The following TMPRSS15 variants were observed in gnomAD, a reference collection of about 807,000 sequenced individuals.
TMPRSS15 encodes enteropeptidase.
In TMPRSS15, 128 loss-of-function variants were observed where a neutral mutation model predicts 125.3. That is an observed-to-expected ratio of 1.02 (90% confidence interval 0.89 to 1.18). The LOEUF is 1.18. Among genes scored for constraint, TMPRSS15 ranks in the 50% most tolerant of loss-of-function variants. The pLI is 0.00. For missense variants in TMPRSS15, 1,283 were observed against 1,212.7 expected (o/e 1.06, Z -0.86); for synonymous variants, 446 against 423.2 (o/e 1.05, Z -0.66).
In TMPRSS15 at chr21:18,285,806, G is replaced by T. The variant is rs534455283; in HGVS notation, c.2487-4585C>A. 9.9e-5 allele frequency among the ~76,000 whole-genome samples: 15 copies of T among 152,260 alleles called. No homozygotes were observed. In the East Asian group the frequency reaches 1.5e-3, roughly 16 times the overall value. On this transcript the variant is annotated intron_variant, in intron 21 of 24. Coordinates refer to ENST00000284885, the MANE Select transcript of TMPRSS15 (RefSeq NM_002772.3). ...GTTGTTTATGAAAGGCCATGTGTCT[G>T]CAATGAAACTCAAAAGAGAAAAGTT...
intron 1 of TMPRSS15, among the ~76,000 whole-genome samples, chr21:18,478,820 G>C (rs1568738583): frequency 6.6e-6 from 1 of 151,910 alleles, no homozygotes; most frequent in Non-Finnish European, 1.5e-5. Context: ...AAAATTATTG[G>C]TGAGATTAAC....
At chr21:18,323,889 G>T (rs1364039862) in intron 16 of TMPRSS15, among the ~76,000 whole-genome samples, 2 of 152,062 alleles carry the variant, frequency 1.3e-5, no homozygotes, top group African/African-American at 4.8e-5. Flanking sequence ...TTTTTTAGTT[G>T]TGGGATTTTC....
intron 3 of TMPRSS15, among the ~76,000 whole-genome samples, chr21:18,390,623 A>G (rs901027155): frequency 2.0e-5 from 3 of 152,212 alleles, no homozygotes; most frequent in African/African-American, 4.8e-5. Context: ...AAATGTAGAT[A>G]CATGGTGCTA....
chr21:18,338,809 C>A (rs957029195), intron 13 of TMPRSS15, among the ~76,000 whole-genome samples: 4 of 152,232 alleles, frequency 2.6e-5, no homozygotes, highest in African/African-American at 9.6e-5. Flanking sequence ...TGTTAGGAAT[C>A]AGTCATACAC....
chr21:18,376,467 T>C (rs2075844716), intron 5 of TMPRSS15, among the ~76,000 whole-genome samples: 1 of 152,162 alleles, frequency 6.6e-6, no homozygotes, highest in Non-Finnish European at 1.5e-5. Flanking sequence ...CTACCTTGAG[T>C]TGTTTTGGCC....
chr21:18,448,180 T>G (rs1315790560), intron 1 of TMPRSS15, among the ~76,000 whole-genome samples: 1 of 152,166 alleles, frequency 6.6e-6, no homozygotes, highest in African/African-American at 2.4e-5. Flanking sequence ...TTGAAACTGT[T>G]TTATTAATAA....
chr21:18,326,961 A>AT (rs2075298725), intron 15 of TMPRSS15, among the ~76,000 whole-genome samples: 1 of 152,130 alleles, frequency 6.6e-6, no homozygotes, highest in Admixed American at 6.5e-5. Flanking sequence ...CATATTCAGT[A>AT]TTTTTTTGTA....
At chr21:18,366,134 A>T (rs2075735294) in intron 6 of TMPRSS15, among the ~76,000 whole-genome samples, 1 of 152,186 alleles carries the variant, frequency 6.6e-6, no homozygotes, top group Admixed American at 6.5e-5. Context: ...GAAAACTGCC[A>T]GTTCAGACAA....
chr21:18,416,869 T>C (rs976520595), intron 1 of TMPRSS15, among the ~76,000 whole-genome samples: 23 of 152,068 alleles, frequency 1.5e-4, no homozygotes, highest in African/African-American at 4.8e-4. Context: ...CTTTACTTTG[T>C]ATTAACGAGA....
intron 1 of TMPRSS15, 102 bp from the exon 2 acceptor site, chr21:18,398,431 T>A: frequency 8.2e-7 from 1 of 1,216,188 alleles, no homozygotes; most frequent in Non-Finnish European, 1.2e-6. Flanking sequence ...TCGCCTGATG[T>A]GTTAGCTCTG....
At chr21:18,475,784 C>A (rs1978869690) in intron 1 of TMPRSS15, among the ~76,000 whole-genome samples, 1 of 152,184 alleles carries the variant, frequency 6.6e-6, no homozygotes, top group African/African-American at 2.4e-5. Flanking sequence ...TAATTTAAGA[C>A]AAAGCCCACA....
chr21:18,467,104 T>C lies in TMPRSS15; in HGVS notation c.10+18695A>G, dbSNP rs144761270. Among the ~76,000 whole-genome samples the C allele has an allele frequency of 5.5e-3, 836 of 152,264 alleles. 3 individuals are homozygous for C. Among genetic ancestry groups the C allele is most frequent in the South Asian group, 0.011 (54 of 4,826 alleles). Reference sequence around the variant, plus strand: ...ATAAAAAAGGATGCGTTCATGTCCTTTGCAGGGACATGGATGAAGCTGGAA... The same window carrying C: ...ATAAAAAAGGATGCGTTCATGTCCTCTGCAGGGACATGGATGAAGCTGGAA... On this transcript the variant is annotated intron_variant, in intron 1 of 7. Transcript: ENST00000422787.
chr21:18,431,920 G>C lies in TMPRSS15; in HGVS notation c.11-33591C>G, dbSNP rs543136499. On this transcript the variant is annotated intron_variant, in intron 1 of 7. Coordinates refer to the TMPRSS15 transcript ENST00000422787. The stretch of plus-strand genomic sequence containing the variant: ...CATATTGATTTCTATAACAGAAAAA[G>C]TATATATGTTTACTAAAGTGTGTCA... Among the ~76,000 whole-genome samples the C allele has an allele frequency of 2.6e-5, 4 of 152,216 alleles. No individual in the cohort carries two copies. The South Asian group carries it at 6.2e-4, about 24-fold the overall frequency.
At chr21:18,280,919 G>A (rs2074690110) in intron 22 of TMPRSS15, 121 bp downstream of exon 22, 2 of 1,094,526 alleles carry the variant, frequency 1.8e-6, no homozygotes, top group Admixed American at 1.8e-5. Context: ...AAGTTCCAAT[G>A]ATTTATGTAA....
chr21:18,300,233 T>A (rs2074953685), intron 18 of TMPRSS15, among the ~76,000 whole-genome samples: 1 of 152,008 alleles, frequency 6.6e-6, no homozygotes, highest in Non-Finnish European at 1.5e-5. Flanking sequence ...TTTTTCTTTC[T>A]TTCTTTCTTT....
intron 1 of TMPRSS15, among the ~76,000 whole-genome samples, chr21:18,419,220 C>CTTTTTTTTT (rs540004490): frequency 1.8e-5 from 2 of 108,606 alleles, no homozygotes; most frequent in African/African-American, 3.5e-5. Context: ...GACATTTCCT[C>CTTTTTTTTT]TTTTTTTTTT....
intron 21 of TMPRSS15, among the ~76,000 whole-genome samples, chr21:18,282,590 C>A (rs1187333170): frequency 1.3e-5 from 2 of 152,160 alleles, no homozygotes; most frequent in African/African-American, 4.8e-5. Context: ...CAGTGAGCGT[C>A]CAAGCATTCA....
intron 22 of TMPRSS15, among the ~76,000 whole-genome samples, chr21:18,279,792 C>G (rs1173261339): frequency 6.6e-6 from 1 of 151,950 alleles, no homozygotes; most frequent in African/African-American, 2.4e-5. Context: ...GAAATTTGGG[C>G]AAATGTTCTG....
intron 16 of TMPRSS15, among the ~76,000 whole-genome samples, chr21:18,319,259 G>A (rs2075207904): frequency 6.6e-6 from 1 of 151,938 alleles, no homozygotes; most frequent in Admixed American, 6.6e-5. Flanking sequence ...CAGTTTCTTT[G>A]TCAATAGGAG....
Sources: allele counts gnomAD v4.1 joint callset (sites outside exome capture counted in the v4.1 genomes callset), GRCh38; gene constraint gnomAD v4.1.1; transcripts MANE v1.5; gene names NCBI Gene and HGNC (gene_info 2026-07-23, HGNC 2026-07-21).